FAM120C: variants seen among roughly 807,000 people sequenced by gnomAD.
FAM120C encodes family with sequence similarity 120 member C.
Under a neutral mutation model 71.2 loss-of-function variants are expected in FAM120C, and 14 were observed. The observed-to-expected ratio is 0.20, with a 90% confidence interval of 0.13 to 0.31. The LOEUF (loss-of-function observed/expected upper bound fraction) is 0.31, where lower values mean the gene tolerates loss of function less well. Ranked by LOEUF, FAM120C falls within the 10% of genes least tolerant of loss-of-function variation. The pLI is 1.00. For synonymous variants in FAM120C, 354 were observed against 353.2 expected (o/e 1.00, Z -0.03); for missense variants, 500 against 879.0 (o/e 0.57, Z 5.45).
At chrX:54,143,194 T>A (rs2067135433) in intron 4 of FAM120C, among the ~76,000 whole-genome samples, 1 of 111,653 alleles carries the variant, frequency 9.0e-6, no homozygotes, top group Non-Finnish European at 1.9e-5. Context: ...TAGCACTAAA[T>A]GCCCACAAGA....
chrX:54,077,415 G>T (rs2066740913), intron 15 of FAM120C, among the ~76,000 whole-genome samples: 1 of 111,748 alleles, frequency 8.9e-6, no homozygotes, highest in Admixed American at 9.6e-5. Context: ...GAACAGGCCA[G>T]GTGTGGTGGC....
At position 54,113,418 on chromosome X, in the gene FAM120C, C is replaced by A. The variant is rs2066949151; in HGVS notation, c.2312+3127G>T. ...GAGGCTGCAGTGAGCCAAGATCACGCCACTGCACTCCAGCCTGGGCAACAG... is the reference window on the plus strand; with the variant it reads ...GAGGCTGCAGTGAGCCAAGATCACGACACTGCACTCCAGCCTGGGCAACAG... On this transcript the variant is annotated intron_variant, in intron 10 of 15. Transcript: ENST00000375180. 3.7e-5 allele frequency among the ~76,000 whole-genome samples: 4 copies of A among 109,571 alleles called. No homozygotes were observed. The Admixed American group carries it at 4.0e-4, about 11-fold the overall frequency.
rs181127918 is a variant in FAM120C, at chrX:54,182,411, G to A, written c.699+89C>T. On this transcript the variant is annotated intron_variant, in intron 1 of 15. Coordinates refer to ENST00000375180, the MANE Select transcript of FAM120C (RefSeq NM_017848.6). ...AGGTGGGTGGGTAGATGGGAGGTAG[G>A]GTAGTGGGTAAGTGGGTAGGTGGTT... The A allele has an allele frequency of 7.3e-5, 75 of 1,033,302 alleles. No individual in the cohort carries two copies. In the Admixed American group the frequency reaches 2.2e-3, roughly 31 times the overall value. 85.2% of individuals were successfully genotyped at this position (1,033,302 alleles called of 1,213,427 possible).
chrX:54,072,971 C>A lies in FAM120C; in HGVS notation c.*62G>T. ...ATTTATATCCTCCTCTAGCTTGGGC[C>A]TAAAATCAGAAAAGTAAAAGTTTTT... On this transcript the variant is annotated 3_prime_UTR_variant, in exon 16 of 16. Transcript: ENST00000375180. 8.7e-7 allele frequency: 1 copy of A among 1,148,233 alleles called. No individual in the cohort carries two copies. Among genetic ancestry groups the A allele is most frequent in the Non-Finnish European group, 1.2e-6 (1 of 862,283 alleles). The allele number at this position is 1,148,233 out of a possible 1,213,427, so 94.6% of individuals were successfully genotyped here. A position where few individuals can be genotyped will look rare whatever the true frequency, so the allele number is the denominator to read the frequency against.
intron 10 of FAM120C, among the ~76,000 whole-genome samples, chrX:54,110,771 T>G (rs1421439800): frequency 9.1e-6 from 1 of 110,429 alleles, no homozygotes; most frequent in Non-Finnish European, 1.9e-5. Context: ...AAAAATTAGC[T>G]GGGCATGGCC....
Position 54,105,453 on chromosome X carries a change from C to T in FAM120C, c.2312+11092G>A, listed in dbSNP as rs1366904597. ...TATGACAAACCCACAGCCAATATCA[C>T]ACTGAATGGGCAAAAACTGGAAGCA... On this transcript the variant is annotated intron_variant, in intron 10 of 15. Transcript: ENST00000375180. 1.1e-4 allele frequency among the ~76,000 whole-genome samples: 12 copies of T among 111,580 alleles called. No individual in the cohort carries two copies. The East Asian group carries it at 1.7e-3, about 16-fold the overall frequency.
chrX:54,156,886 CAAAAAAAAAA>C (rs782182111), intron 3 of FAM120C, among the ~76,000 whole-genome samples: 1 of 32,745 alleles, frequency 3.1e-5, no homozygotes, highest in African/African-American at 1.2e-4. Context: ...GACTTTGCCT[CAAAAAAAAAA>C]AAAAAAAAAA....
At chrX:54,129,417 T>C (rs1461874977) in intron 9 of FAM120C, among the ~76,000 whole-genome samples, 2 of 98,317 alleles carry the variant, frequency 2.0e-5, no homozygotes, top group Non-Finnish European at 4.1e-5. Flanking sequence ...ACATCTCAGA[T>C]GATGGGCGGC....
chrX:54,097,222 T>C (rs2066856480), intron 10 of FAM120C, among the ~76,000 whole-genome samples: 1 of 112,154 alleles, frequency 8.9e-6, no homozygotes, highest in Non-Finnish European at 1.9e-5. Flanking sequence ...AAGAGCTACC[T>C]ATGCAGGCCT....
At chrX:54,135,891 G>A (rs1055172937) in intron 5 of FAM120C, among the ~76,000 whole-genome samples, 1 of 111,244 alleles carries the variant, frequency 9.0e-6, no homozygotes, top group African/African-American at 3.3e-5. Flanking sequence ...CCCAAAGACA[G>A]GGATATTTTA....
intron 9 of FAM120C, among the ~76,000 whole-genome samples, chrX:54,118,699 CTTTTTTTTTTTTTTTT>C (rs1187381929): frequency 6.3e-5 from 2 of 31,721 alleles, no homozygotes; most frequent in East Asian, 2.2e-3. Context: ...TTCTTTTTTT[CTTTTTTTTTTTTTTTT>C]TTTTTTTTTT....
chrX:54,182,514 G>C lies in FAM120C; in HGVS notation c.685C>G (p.Arg229Gly). Residue 229 changes from arginine (R) to glycine (G), a missense_variant, in exon 1 of 16, where the codon CGC (arginine) becomes GGC (glycine). Transcript: ENST00000375180. ...LSHCVRLALIRFRVKVFQSLE... is the reference protein window; with the variant it reads ...LSHCVRLALIGFRVKVFQSLE... ...CCCTCCCTCACCTTGACCCGGAAGC[G>C]GATGAGTGCTAGCCTCACGCAGTGG... is the stretch of plus-strand genomic sequence containing the variant. 1 of 1,207,918 alleles carries C rather than the reference G, an allele frequency of 8.3e-7. No homozygotes were observed. The highest frequency in any genetic ancestry group is 1.1e-6 in the Non-Finnish European group (1 of 893,490).
intron 10 of FAM120C, among the ~76,000 whole-genome samples, chrX:54,097,973 G>A (rs1211518554): frequency 3.3e-4 from 36 of 110,029 alleles, no homozygotes; most frequent in Admixed American, 2.8e-3. Context: ...TGATCCGCCC[G>A]CCTTGGCCTC....
chrX:54,166,589 T>C (rs2067260365), intron 1 of FAM120C, among the ~76,000 whole-genome samples: 1 of 111,993 alleles, frequency 8.9e-6, no homozygotes, highest in Non-Finnish European at 1.9e-5. Flanking sequence ...CCATAAAAAG[T>C]AATGACAAAA....
At chrX:54,164,317 C>CTGTGTTA (rs1569533710) in intron 1 of FAM120C, among the ~76,000 whole-genome samples, 1 of 112,176 alleles carries the variant, frequency 8.9e-6, no homozygotes, top group Admixed American at 9.5e-5. Context: ...TACAGTTCAG[C>CTGTGTTA]TGTGTTATGG....
chrX:54,125,809 T>C (rs2067024417), intron 9 of FAM120C, among the ~76,000 whole-genome samples: 1 of 112,784 alleles, frequency 8.9e-6, no homozygotes, highest in Admixed American at 9.4e-5. Flanking sequence ...GTGTTATCAA[T>C]TTGGGGAGAA....
chrX:54,154,077 T>G (rs782068765), intron 3 of FAM120C, among the ~76,000 whole-genome samples: 4 of 108,984 alleles, frequency 3.7e-5, no homozygotes, highest in Non-Finnish European at 7.6e-5. Context: ...CCTGTTATAT[T>G]GAGAATAAAA....
chrX:54,146,314 T>A (rs1457286566), intron 4 of FAM120C, among the ~76,000 whole-genome samples: 3 of 110,555 alleles, frequency 2.7e-5, no homozygotes, highest in Non-Finnish European at 5.7e-5. Flanking sequence ...AATAAAAAAA[T>A]AAATAAAATT....
At chrX:54,076,656 C>T (rs180804010) in intron 15 of FAM120C, among the ~76,000 whole-genome samples, 1 of 111,793 alleles carries the variant, frequency 8.9e-6, no homozygotes, top group East Asian at 2.8e-4. Flanking sequence ...CACCTACCAT[C>T]CCTTGTTTTC....
Sources: allele counts gnomAD v4.1 joint callset (sites outside exome capture counted in the v4.1 genomes callset), GRCh38; gene constraint gnomAD v4.1.1; transcripts MANE v1.5; gene names NCBI Gene and HGNC (gene_info 2026-07-23, HGNC 2026-07-21).